The following KCNH1 variants were observed in gnomAD, a reference collection of about 807,000 sequenced individuals.
KCNH1 encodes potassium voltage-gated channel subfamily H member 1.
KCNH1 carries 27 observed loss-of-function variants against 69.2 expected under a neutral mutation model. That is an observed-to-expected ratio of 0.39 (90% CI 0.29 to 0.54). The LOEUF (loss-of-function observed/expected upper bound fraction) is 0.54. Ranked by LOEUF, KCNH1 falls within the 20% of genes least tolerant of loss-of-function variation. The probability of loss-of-function intolerance (pLI) is 0.68; values close to 1 mark genes in which losing one functional copy is unlikely to be tolerated. For missense variants in KCNH1, 798 were observed against 1,261.6 expected (o/e 0.63, Z 5.57); for synonymous variants, 456 against 487.7 (o/e 0.93, Z 0.86).
intron 5 of KCNH1, among the ~76,000 whole-genome samples, chr1:211,030,168 A>G (rs544095935): frequency 2.0e-5 from 3 of 152,376 alleles, no homozygotes; most frequent in Admixed American, 6.5e-5. Context: ...TTTAAAATTT[A>G]TATGAAAGTC....
At chr1:210,690,393 C>T (rs1053284905) in intron 10 of KCNH1, among the ~76,000 whole-genome samples, 1 of 152,130 alleles carries the variant, frequency 6.6e-6, no homozygotes, top group African/African-American at 2.4e-5. Flanking sequence ...ACTCAGGCAC[C>T]TTGAGTGGCC....
At chr1:210,750,679 A>G (rs1420736288) in intron 10 of KCNH1, among the ~76,000 whole-genome samples, 2 of 152,054 alleles carry the variant, frequency 1.3e-5, no homozygotes, top group Non-Finnish European at 2.9e-5. Flanking sequence ...ATCAAAAGAT[A>G]AAGATAGGAA....
intron 6 of KCNH1, among the ~76,000 whole-genome samples, chr1:210,930,365 AC>A (rs1197574855): frequency 2.0e-5 from 3 of 152,186 alleles, no homozygotes; most frequent in Admixed American, 1.3e-4. Context: ...AGAATAAGGA[AC>A]CCAGAAATAA....
intron 7 of KCNH1, among the ~76,000 whole-genome samples, chr1:210,894,658 T>C (rs765306786): frequency 6.6e-6 from 1 of 152,168 alleles, no homozygotes; most frequent in Non-Finnish European, 1.5e-5. Context: ...TTGATGCCAG[T>C]ATCTTGAAAA....
intron 7 of KCNH1, among the ~76,000 whole-genome samples, chr1:210,891,656 C>T (rs761745418): frequency 2.6e-5 from 4 of 151,874 alleles, no homozygotes; most frequent in African/African-American, 7.3e-5. Flanking sequence ...AACAATGTGG[C>T]GATTCTTCAA....
At chr1:210,898,230 C>CT (rs1037714658) in intron 7 of KCNH1, among the ~76,000 whole-genome samples, 1 of 152,106 alleles carries the variant, frequency 6.6e-6, no homozygotes, top group African/African-American at 2.4e-5. Context: ...TATAATAATA[C>CT]TTTTTAAGTA....
chr1:211,089,284 A>G (rs1275670843), intron 4 of KCNH1, among the ~76,000 whole-genome samples: 1 of 152,222 alleles, frequency 6.6e-6, no homozygotes, highest in Non-Finnish European at 1.5e-5. Flanking sequence ...TAGCTACTGC[A>G]CTGAGAAATC....
intron 10 of KCNH1, among the ~76,000 whole-genome samples, chr1:210,735,606 C>A (rs867031581): frequency 6.6e-6 from 1 of 151,960 alleles, no homozygotes; most frequent in South Asian, 2.1e-4. Flanking sequence ...CTGATCAGTC[C>A]CTAACCTAGT....
intron 6 of KCNH1, among the ~76,000 whole-genome samples, chr1:210,968,285 G>T (rs1326066374): frequency 2.3e-5 from 3 of 130,706 alleles, no homozygotes; most frequent in Non-Finnish European, 4.7e-5. Context: ...CATCTGGGTT[G>T]GTTCCAAGTC....
chr1:210,842,472 T>C (rs1382835696), intron 7 of KCNH1, among the ~76,000 whole-genome samples: 1 of 152,162 alleles, frequency 6.6e-6, no homozygotes, highest in Non-Finnish European at 1.5e-5. Context: ...AAAGGTACAA[T>C]GATTTAGTAA....
At chr1:210,843,162 G>A (rs377385555) in intron 7 of KCNH1, among the ~76,000 whole-genome samples, 1 of 152,298 alleles carries the variant, frequency 6.6e-6, no homozygotes, top group East Asian at 1.9e-4. Context: ...GCAAGAAAAA[G>A]GAATGATATT....
intron 6 of KCNH1, among the ~76,000 whole-genome samples, chr1:210,997,838 A>G (rs1416000917): frequency 6.6e-6 from 1 of 152,276 alleles, no homozygotes; most frequent in Non-Finnish European, 1.5e-5. Flanking sequence ...ACAAGCCAGA[A>G]GAGAGTGGGG....
chr1:210,859,255 C>T, intron 7 of KCNH1: 1 of 1,611,306 alleles, frequency 6.2e-7, no homozygotes, highest in Non-Finnish European at 8.5e-7. Context: ...CTCCATGCTT[C>T]TCAATCATTT....
chr1:210,788,685 C>CTTTTTTTTTTTT (rs139485350), intron 9 of KCNH1, among the ~76,000 whole-genome samples: 12 of 80,710 alleles, frequency 1.5e-4, no homozygotes, highest in African/African-American at 5.5e-4. Flanking sequence ...TAGCTTCTTT[C>CTTTTTTTTTTTT]TTTTTTTTTT....
intron 6 of KCNH1, among the ~76,000 whole-genome samples, chr1:211,004,569 A>T (rs185119296): frequency 6.6e-6 from 1 of 152,250 alleles, no homozygotes; most frequent in East Asian, 1.9e-4. Context: ...CAATCCCAAA[A>T]GAAGATAAAA....
intron 7 of KCNH1, among the ~76,000 whole-genome samples, chr1:210,911,076 ATATT>A: frequency 6.6e-6 from 1 of 152,134 alleles, no homozygotes; most frequent in South Asian, 2.1e-4. Flanking sequence ...CATTCATTCT[ATATT>A]TATTGAGCCC....
rs71146244 is a variant in KCNH1, at chr1:210,735,421, AGTGTGTGTGTGTGTGTGTGTGT to A, written c.2112+39905_2112+39926del. Among the ~76,000 whole-genome samples the A allele has an allele frequency of 2.3e-4, 31 of 132,098 alleles. 2 individuals carry two copies. The South Asian group carries it at 7.0e-3, about 30-fold the overall frequency. The allele number at this position is 132,098 out of a possible 152,430, so 86.7% of individuals were successfully genotyped here. A position where few individuals can be genotyped will look rare whatever the true frequency, so the allele number is the denominator to read the frequency against. ...TGATGTGTGAGTGAATGAGTGAGTGAGTGTGTGTGTGTGTGTGTGTGTGTGTGTGTGTGTGTGTGTGTGTGAT... is the reference window on the plus strand; with the variant it reads ...TGATGTGTGAGTGAATGAGTGAGTGAGTGTGTGTGTGTGTGTGTGTGTGAT... On this transcript the variant is annotated intron_variant, in intron 10 of 10. Transcript: ENST00000271751.
intron 10 of KCNH1, among the ~76,000 whole-genome samples, chr1:210,741,452 G>A (rs561402044): frequency 1.5e-3 from 227 of 152,198 alleles, no homozygotes; most frequent in Non-Finnish European, 2.2e-3. Context: ...GTGGGGAGGC[G>A]AAAGGAGAAA....
intron 6 of KCNH1, among the ~76,000 whole-genome samples, chr1:211,006,398 C>T (rs1689286058): frequency 1.3e-5 from 2 of 152,274 alleles, no homozygotes; most frequent in Admixed American, 6.5e-5. Flanking sequence ...GACTCAAAAG[C>T]ATTCCTGAAT....
Sources: allele counts gnomAD v4.1 joint callset (sites outside exome capture counted in the v4.1 genomes callset), GRCh38; gene constraint gnomAD v4.1.1; transcripts MANE v1.5; gene names NCBI Gene and HGNC (gene_info 2026-07-23, HGNC 2026-07-21).